Variants in PLEKHA5 observed in about 807,000 individuals in gnomAD.
PLEKHA5 encodes pleckstrin homology domain-containing family A member 5.
In PLEKHA5, 55 loss-of-function variants were observed where a neutral mutation model predicts 181.9. The observed-to-expected ratio is 0.30, with a 90% CI of 0.24 to 0.38. The LOEUF (loss-of-function observed/expected upper bound fraction) is 0.38. Ranked by LOEUF, PLEKHA5 falls within the 10% of genes least tolerant of loss-of-function variation. The pLI is 1.00. For synonymous variants in PLEKHA5, 535 were observed against 529.4 expected (o/e 1.01, Z -0.15); for missense variants, 1,432 against 1,549.5 (o/e 0.92, Z 1.27).
intron 3 of PLEKHA5, among the ~76,000 whole-genome samples, chr12:19,194,360 A>C (rs895284300): frequency 5.3e-5 from 8 of 152,162 alleles, no homozygotes; most frequent in African/African-American, 1.9e-4. Context: ...GGACAGTTAG[A>C]TTGATTCCGT....
At chr12:19,287,638 T>C (rs1477902326) in intron 13 of PLEKHA5, 82 bp downstream of exon 13, 2 of 810,876 alleles carry the variant, frequency 2.5e-6, no homozygotes, top group Non-Finnish European at 4.1e-6. Flanking sequence ...ATTTTTAAGT[T>C]TGAATTTTCA....
intron 31 of PLEKHA5, 100 bp downstream of exon 31, chr12:19,369,898 G>T: frequency 1.9e-6 from 1 of 527,252 alleles, no homozygotes; most frequent in South Asian, 4.0e-5. Context: ...GTTCTGGACT[G>T]TACATAGGGA....
At position 19,322,345 on chromosome 12, in the gene PLEKHA5, G is replaced by C; in HGVS notation, c.2253G>C (p.Val751=). Residue 751 remains valine (V), a synonymous_variant, in exon 19 of 32, where the codon GTG becomes GTC. Transcript: ENST00000429027. ...KLSRLCEQDK[V]VHALEEKLQQ... ...GCCGATTATGTGAACAAGATAAAGT[G>C]GTGCATGCTCTGGAAGAGAAACTTC... 1 of 1,613,444 alleles carries C rather than the reference G, an allele frequency of 6.2e-7. No homozygotes were observed. Among genetic ancestry groups the C allele is most frequent in the Non-Finnish European group, 8.5e-7 (1 of 1,179,480 alleles).
intron 6 of PLEKHA5, among the ~76,000 whole-genome samples, chr12:19,259,787 AT>A (rs34120370): frequency 0.19 from 26,213 of 137,534 alleles, 2,567 homozygotes; most frequent in Admixed American, 0.28. Flanking sequence ...TTGCCATTTA[AT>A]TTTTTTTTTT....
At chr12:19,330,899 A>C (rs928088561) in intron 20 of PLEKHA5, among the ~76,000 whole-genome samples, 3 of 152,184 alleles carry the variant, frequency 2.0e-5, no homozygotes, top group Non-Finnish European at 4.4e-5. Flanking sequence ...ATTTGGAAAG[A>C]GATGTTTGAG....
Position 19,290,751 on chromosome 12 carries a change from G to T in PLEKHA5, c.1938G>T (p.Thr646=), listed in dbSNP as rs1028777915. The change falls in exon 14 of 32, where the codon ACG becomes ACT. Residue 646 remains threonine, a synonymous_variant. Coordinates refer to ENST00000429027, the MANE Select transcript of PLEKHA5 (RefSeq NM_001256470.2). ...QAELSSIREH[T]LAQLMQLKLE... ...AACTGAGTAGTATCCGGGAGCATAC[G>T]TTAGCACAGCTCATGCAGCTAAAGC... The T allele has an allele frequency of 3.2e-5, 49 of 1,535,854 alleles. No individual in the cohort carries two copies. Among genetic ancestry groups the T allele is most frequent in the Admixed American group, 9.8e-5 (5 of 50,960 alleles).
At chr12:19,190,379 C>T (rs989669173) in intron 3 of PLEKHA5, among the ~76,000 whole-genome samples, 1 of 152,032 alleles carries the variant, frequency 6.6e-6, no homozygotes, top group Non-Finnish European at 1.5e-5. Flanking sequence ...TTAAAAAATA[C>T]TCATTTATTC....
chr12:19,373,372 C>CTT (rs2095632816), intron 31 of PLEKHA5: 1 of 144,282 alleles, frequency 6.9e-6, no homozygotes, highest in Non-Finnish European at 1.5e-5. Flanking sequence ...CAGAACAAGA[C>CTT]TTTGTCTCAA....
chr12:19,156,783 G>A (rs1046358586), intron 3 of PLEKHA5, among the ~76,000 whole-genome samples: 2 of 151,578 alleles, frequency 1.3e-5, no homozygotes, highest in Admixed American at 1.3e-4. Context: ...GGTGGCTCAC[G>A]CCTGTAGTCC....
chr12:19,180,931 G>C (rs2048396572), intron 3 of PLEKHA5, among the ~76,000 whole-genome samples: 1 of 151,752 alleles, frequency 6.6e-6, no homozygotes, highest in Middle Eastern at 3.4e-3. Flanking sequence ...CTCTGGTGTG[G>C]AGCCTGGGGA....
chr12:19,336,670 A>G (rs2093449376), intron 21 of PLEKHA5, 54 bp downstream of exon 21: 1 of 956,844 alleles, frequency 1.0e-6, no homozygotes, highest in Non-Finnish European at 1.6e-6. Context: ...CTGGTACTGT[A>G]CAATCCACCT....
In PLEKHA5 at chr12:19,181,556, C is replaced by T. The variant is rs4078386; in HGVS notation, c.227+49106C>T. On this transcript the variant is annotated intron_variant, in intron 3 of 31. Coordinates refer to ENST00000429027, the MANE Select transcript of PLEKHA5 (RefSeq NM_001256470.2). Reference sequence around the variant, plus strand: ...TTGGGAGGCCTAGGCGGGTGGATCACTTGAGGTCAGGAGTTTGAGACCAGC... The same window carrying T: ...TTGGGAGGCCTAGGCGGGTGGATCATTTGAGGTCAGGAGTTTGAGACCAGC... Among the ~76,000 whole-genome samples the T allele has an allele frequency of 3.3e-5, 5 of 151,918 alleles. No homozygotes were observed. In the South Asian group the frequency reaches 1.0e-3, roughly 32 times the overall value.
chr12:19,280,796 C>T (rs570356467), intron 11 of PLEKHA5, among the ~76,000 whole-genome samples: 2 of 151,704 alleles, frequency 1.3e-5, no homozygotes, highest in South Asian at 2.1e-4. Context: ...CTGCAACCTC[C>T]ACCTCCCAGG....
At chr12:19,334,868 AT>A (rs2093265151) in intron 20 of PLEKHA5, among the ~76,000 whole-genome samples, 1 of 52,512 alleles carries the variant, frequency 1.9e-5, no homozygotes, top group African/African-American at 5.4e-5. Flanking sequence ...ATATATATAT[AT>A]CTCTGTATAC....
At chr12:19,174,978 C>T (rs1276031662) in intron 3 of PLEKHA5, among the ~76,000 whole-genome samples, 1 of 151,998 alleles carries the variant, frequency 6.6e-6, no homozygotes, top group African/African-American at 2.4e-5. Flanking sequence ...ATAGTTGATT[C>T]CCATTAAGAA....
At chr12:19,302,658 A>G (rs555678589) in intron 15 of PLEKHA5, among the ~76,000 whole-genome samples, 113 of 151,958 alleles carry the variant, frequency 7.4e-4, no homozygotes, top group Admixed American at 2.8e-3. Flanking sequence ...TGGCCTCCCA[A>G]AGTGCTGCCG....
chr12:19,287,792 T>C (rs1484271542), intron 13 of PLEKHA5, among the ~76,000 whole-genome samples: 1 of 152,108 alleles, frequency 6.6e-6, no homozygotes, highest in Non-Finnish European at 1.5e-5. Context: ...ATTTTGAAAC[T>C]TTATGGCCGG....
chr12:19,152,425 A>C (rs938468318), intron 3 of PLEKHA5: 27 of 152,232 alleles, frequency 1.8e-4, no homozygotes, highest in African/African-American at 6.5e-4. Flanking sequence ...TACATGAAGA[A>C]TAATTAATAG....
chr12:19,272,720 C>T (rs566461374), intron 10 of PLEKHA5, among the ~76,000 whole-genome samples: 24 of 152,180 alleles, frequency 1.6e-4, no homozygotes, highest in African/African-American at 3.6e-4. Context: ...CTGGGTTATA[C>T]GGCAAGAGAC....
Sources: gnomAD v4.1 joint callset for allele counts (sites outside exome capture counted in the v4.1 genomes callset) on GRCh38, gnomAD v4.1.1 for gene constraint, MANE v1.5 for transcripts, NCBI Gene and HGNC (gene_info 2026-07-23, HGNC 2026-07-21) for gene names.